Variants in TTC29 observed in about 807,000 individuals in gnomAD.
The protein encoded by TTC29 is tetratricopeptide repeat protein 29.
TTC29 carries 49 observed loss-of-function variants against 58.1 expected under a neutral mutation model. The ratio of observed to expected loss-of-function variants is 0.84; its 90% CI spans 0.67 to 1.07. The LOEUF is 1.07. Ranked by LOEUF, TTC29 falls within the 50% of genes least tolerant of loss-of-function variation. The pLI is 0.00. For synonymous variants in TTC29, 209 were observed against 196.8 expected, an observed-to-expected ratio of 1.06 and a Z score of -0.52; for missense variants, 582 against 555.6, an observed-to-expected ratio of 1.05 and a Z score of -0.48.
rs1337904497 is a variant in TTC29 at position 146,706,652 on chromosome 4, T to TATCA, written c.*502_*505dup. The TATCA allele has an allele frequency of 1.3e-5, 2 of 152,178 alleles. No individual in the cohort carries two copies. The highest frequency in any genetic ancestry group is 6.6e-5 in the Admixed American group (1 of 15,252). 9.4% of individuals were successfully genotyped at this position (152,178 alleles called of 1,614,324 possible). Reference sequence around the variant, plus strand: ...GACATGGATAAGTTTTATTATGTGCTATCAGCTAAAAGTATCATAAAATAT... The same window carrying TATCA: ...GACATGGATAAGTTTTATTATGTGCTATCAATCAGCTAAAAGTATCATAAAATAT... On this transcript the variant is annotated 3_prime_UTR_variant, in exon 13 of 13. Transcript: ENST00000325106.
intron 11 of TTC29, among the ~76,000 whole-genome samples, chr4:146,753,600 C>A (rs983113321): frequency 6.6e-6 from 1 of 152,168 alleles, no homozygotes; most frequent in African/African-American, 2.4e-5. Flanking sequence ...AAGACACATG[C>A]ACACATATGT....
intron 11 of TTC29, among the ~76,000 whole-genome samples, chr4:146,769,608 T>C (rs1379563387): frequency 6.6e-6 from 1 of 152,050 alleles, no homozygotes; most frequent in Non-Finnish European, 1.5e-5. Flanking sequence ...ACTTCTGCTG[T>C]AAGTTAAGCA....
intron 4 of TTC29, among the ~76,000 whole-genome samples, chr4:146,922,160 C>T (rs1734636149): frequency 6.6e-6 from 1 of 150,648 alleles, no homozygotes; most frequent in South Asian, 2.1e-4. Context: ...AAGAAGTTAT[C>T]ACCGTATTTA....
chr4:146,738,147 A>G (rs1744860616), intron 11 of TTC29, among the ~76,000 whole-genome samples: 1 of 152,216 alleles, frequency 6.6e-6, no homozygotes, highest in Admixed American at 6.5e-5. Flanking sequence ...AGCGATCTGG[A>G]CCAGCATGGC....
At chr4:146,774,404 C>T (rs559978675) in intron 11 of TTC29, among the ~76,000 whole-genome samples, 7 of 152,168 alleles carry the variant, frequency 4.6e-5, no homozygotes, top group Non-Finnish European at 1.0e-4. Flanking sequence ...TTAGCTGCAT[C>T]CCAGAGACTC....
intron 4 of TTC29, among the ~76,000 whole-genome samples, chr4:146,932,038 C>T (rs983514051): frequency 6.6e-6 from 1 of 151,478 alleles, no homozygotes; most frequent in Non-Finnish European, 1.5e-5. Flanking sequence ...CTTCCTTTTC[C>T]TTTAAATCAT....
intron 9 of TTC29, among the ~76,000 whole-genome samples, chr4:146,832,703 G>A (rs9799697): frequency 0.063 from 9,518 of 151,904 alleles, 402 homozygotes; most frequent in Admixed American, 0.13. Context: ...TGTTGGCCAG[G>A]CTGGTCTCAA....
At chr4:146,922,748 G>C (rs2150306513) in intron 4 of TTC29, among the ~76,000 whole-genome samples, 1 of 151,738 alleles carries the variant, frequency 6.6e-6, no homozygotes, top group Middle Eastern at 3.4e-3. Flanking sequence ...CGTATTATTA[G>C]CCATCATTAT....
In TTC29 at chr4:146,909,123, C is replaced by T. The variant is rs373820879; in HGVS notation, c.303G>A (p.Arg101=). 3.0e-5 allele frequency: 48 copies of T among 1,613,866 alleles called. No homozygotes were observed. The African/African-American group carries it at 5.9e-4, about 20-fold the overall frequency. ...WDALREAARV[R]SLFWLQKPLE... is the part of the protein sequence containing the mutation. ...GGGGCTTCTGCAGCCAGAAGAGGGA[C>T]CTGACTCTCGCAGCCTCCCTCAGGG... Residue 101 remains arginine, a synonymous_variant, in exon 5 of 13, where the codon AGG becomes AGA. Coordinates refer to ENST00000325106, the MANE Select transcript of TTC29 (RefSeq NM_031956.4).
At chr4:146,732,229 A>AT (rs34280643) in intron 11 of TTC29, among the ~76,000 whole-genome samples, 98 of 152,250 alleles carry the variant, frequency 6.4e-4, no homozygotes, top group Non-Finnish European at 1.2e-3. Flanking sequence ...TAAGCTTAGT[A>AT]TTTTTTCAGA....
At chr4:146,735,099 G>C (rs1744619290) in intron 11 of TTC29, among the ~76,000 whole-genome samples, 1 of 152,116 alleles carries the variant, frequency 6.6e-6, no homozygotes, top group Non-Finnish European at 1.5e-5. Context: ...GAAATTAAAA[G>C]AGAATGCTGG....
chr4:146,821,487 G>A (rs1384351644), intron 9 of TTC29, among the ~76,000 whole-genome samples: 1 of 152,096 alleles, frequency 6.6e-6, no homozygotes. Flanking sequence ...GCTTACTCTT[G>A]AAAGCTTTCA....
At chr4:146,861,410 A>G (rs1730223261) in intron 8 of TTC29, among the ~76,000 whole-genome samples, 1 of 152,230 alleles carries the variant, frequency 6.6e-6, no homozygotes. Flanking sequence ...ATATGCAGGT[A>G]GCATTCTCCT....
intron 11 of TTC29, among the ~76,000 whole-genome samples, chr4:146,714,559 A>G (rs1579505985): frequency 6.6e-6 from 1 of 151,948 alleles, no homozygotes; most frequent in African/African-American, 2.4e-5. Flanking sequence ...AAGAAGCTCA[A>G]CAGACCCCAA....
chr4:146,804,699 G>A (rs557622792), intron 10 of TTC29, among the ~76,000 whole-genome samples: 9 of 152,272 alleles, frequency 5.9e-5, no homozygotes, highest in African/African-American at 1.9e-4. Context: ...CGCCTCTCTG[G>A]GCAGGGCATC....
At chr4:146,872,156 T>C (rs1730975362) in intron 7 of TTC29, among the ~76,000 whole-genome samples, 2 of 152,034 alleles carry the variant, frequency 1.3e-5, no homozygotes, top group Non-Finnish European at 2.9e-5. Flanking sequence ...AAAAGAATAA[T>C]GTTTTCAACA....
chr4:146,916,533 A>C (rs1734231862), intron 4 of TTC29, among the ~76,000 whole-genome samples: 1 of 151,692 alleles, frequency 6.6e-6, no homozygotes, highest in Admixed American at 6.6e-5. Context: ...TTTGTAAGAA[A>C]GATTAGTGAG....
At chr4:146,745,149 A>G (rs1745449778) in intron 11 of TTC29, among the ~76,000 whole-genome samples, 1 of 152,246 alleles carries the variant, frequency 6.6e-6, no homozygotes, top group African/African-American at 2.4e-5. Flanking sequence ...TAAGAAAGAC[A>G]GTGGCAGATT....
chr4:146,844,551 T>C (rs916095342), intron 8 of TTC29, among the ~76,000 whole-genome samples: 2 of 152,192 alleles, frequency 1.3e-5, no homozygotes, highest in African/African-American at 4.8e-5. Flanking sequence ...TGTTTATTTT[T>C]ATTTTTTATT....
Sources: allele counts gnomAD v4.1 joint callset (sites outside exome capture counted in the v4.1 genomes callset), GRCh38; gene constraint gnomAD v4.1.1; transcripts MANE v1.5; gene names NCBI Gene and HGNC (gene_info 2026-07-23, HGNC 2026-07-21).